ERI1: variants seen among roughly 807,000 people sequenced by gnomAD.
ERI1 encodes 3'-5' exoribonuclease 1.
In ERI1, 39 loss-of-function variants were observed where a neutral mutation model predicts 39.7. The ratio of observed to expected loss-of-function variants is 0.98; its 90% CI spans 0.76 to 1.28. The LOEUF is 1.28. Ranked by LOEUF, ERI1 falls within the 50% of genes most tolerant of loss-of-function variation. ERI1 has a pLI of 0.00. For missense variants in ERI1, 581 were observed against 416.9 expected, an observed-to-expected ratio of 1.39 and a Z score of -3.43; for synonymous variants, 204 against 149.6, an observed-to-expected ratio of 1.36 and a Z score of -2.65.
At position 9,031,068 on chromosome 8, in the gene ERI1, C is replaced by T. The variant is rs1294145110; in HGVS notation, c.*1034C>T. ...TGCATTTCGACTTGATAAGGTAAAA[C>T]TCTTATCTAGAGGCTAAACCCATGT... On this transcript the variant is annotated 3_prime_UTR_variant, in exon 7 of 7. Coordinates refer to ENST00000250263, the MANE Select transcript of ERI1 (RefSeq NM_153332.4). 3.3e-5 allele frequency: 5 copies of T among 152,096 alleles called. No individual in the cohort carries two copies. Among genetic ancestry groups the T allele is most frequent in the African/African-American group, 1.2e-4 (5 of 41,410 alleles). The allele number at this position is 152,096 out of a possible 1,614,324, so 9.4% of individuals were successfully genotyped here. A position where few individuals can be genotyped will look rare whatever the true frequency, so the allele number is the denominator to read the frequency against.
At chr8:9,043,374 G>T (rs1798083586) in intron 3 of ERI1, among the ~76,000 whole-genome samples, 1 of 152,164 alleles carries the variant, frequency 6.6e-6, no homozygotes, top group African/African-American at 2.4e-5. Flanking sequence ...TCAGAGCTGT[G>T]CCTGGACCCC....
At chr8:9,008,553 A>G (rs1008455396) in intron 2 of ERI1, among the ~76,000 whole-genome samples, 2 of 152,222 alleles carry the variant, frequency 1.3e-5, no homozygotes, top group Non-Finnish European at 2.9e-5. Context: ...AATTAAAAAC[A>G]TTCACTTAAC....
chr8:9,071,125 C>T (rs1251319154), intron 3 of ERI1, among the ~76,000 whole-genome samples: 4 of 152,160 alleles, frequency 2.6e-5, no homozygotes, highest in Admixed American at 1.3e-4. Context: ...TTATTGAACT[C>T]GCAAGGGAAA....
At chr8:9,044,845 C>T (rs1042627038) in intron 3 of ERI1, among the ~76,000 whole-genome samples, 2 of 152,056 alleles carry the variant, frequency 1.3e-5, no homozygotes, top group Admixed American at 1.3e-4. Flanking sequence ...CCCTGACCTG[C>T]CACACCTGCA....
rs908681329 is a variant in ERI1 at position 9,069,635 on chromosome 8, G to A, written n.300-46713G>A. Among the ~76,000 whole-genome samples the A allele has an allele frequency of 9.2e-5, 14 of 152,272 alleles. No individual in the cohort carries two copies. The East Asian group carries it at 2.5e-3, about 27-fold the overall frequency. On this transcript the variant is annotated intron_variant and non_coding_transcript_variant, in intron 3 of 3. Coordinates refer to the ERI1 transcript ENST00000518663. ...GCACTTGAAAATTACTCTAATGCTTGCCACCTAAGTGACAAGATCATTCGT... is the reference window on the plus strand; with the variant it reads ...GCACTTGAAAATTACTCTAATGCTTACCACCTAAGTGACAAGATCATTCGT...
At chr8:9,016,537 G>A in intron 4 of ERI1, 132 bp downstream of exon 4, 3 of 405,736 alleles carry the variant, frequency 7.4e-6, no homozygotes, top group South Asian at 1.6e-4. Context: ...GATCTTTCAT[G>A]TTGTAATAAT....
At chr8:9,058,722 T>C (rs1798590619) in intron 3 of ERI1, among the ~76,000 whole-genome samples, 1 of 152,208 alleles carries the variant, frequency 6.6e-6, no homozygotes, top group South Asian at 2.1e-4. Flanking sequence ...ATGATGTCTT[T>C]GCTGTTGTTG....
At position 9,078,473 on chromosome 8, in the gene ERI1, T is replaced by C. The variant is rs191721988; in HGVS notation, n.300-37875T>C. On this transcript the variant is annotated intron_variant and non_coding_transcript_variant, in intron 3 of 3. Transcript: ENST00000518663. ...ACCATAGAGCTAATACTTGGTAAGG[T>C]TGGAATTCAAACTCAAGTTTTTTAA... 1.6e-3 allele frequency among the ~76,000 whole-genome samples: 238 copies of C among 152,220 alleles called. 1 individual carries two copies. The highest frequency in any genetic ancestry group is 3.1e-3 in the Admixed American group (47 of 15,284).
chr8:9,014,827 CTT>C (rs1228784105), intron 3 of ERI1, among the ~76,000 whole-genome samples: 1 of 151,842 alleles, frequency 6.6e-6, no homozygotes, highest in African/African-American at 2.4e-5. Context: ...TTCAATTATT[CTT>C]TTGTTTTGTT....
At chr8:9,046,762 A>G (rs1043729458) in intron 3 of ERI1, among the ~76,000 whole-genome samples, 1 of 152,216 alleles carries the variant, frequency 6.6e-6, no homozygotes, top group African/African-American at 2.4e-5. Flanking sequence ...GAAATTCAAG[A>G]TGCTGTCTGG....
chr8:9,041,124 G>C (rs546848696), intron 3 of ERI1, among the ~76,000 whole-genome samples: 4 of 152,322 alleles, frequency 2.6e-5, no homozygotes, highest in East Asian at 1.9e-4. Flanking sequence ...TACAGTGGGG[G>C]AACAATGAGC....
chr8:9,031,863 T>A lies in ERI1; in HGVS notation c.*1829T>A, dbSNP rs1797613588. The A allele has an allele frequency of 6.6e-6, 1 of 152,222 alleles. No individual in the cohort carries two copies. The highest frequency in any genetic ancestry group is 1.9e-4 in the East Asian group (1 of 5,190). 9.4% of individuals were successfully genotyped at this position (152,222 alleles called of 1,614,324 possible). ...ACCTCCGCCTCCTGGGCTCAGGTGA[T>A]CCTCTTGCCTCAGCCTCCTGAGTAG... On this transcript the variant is annotated 3_prime_UTR_variant, in exon 7 of 7. Coordinates refer to ENST00000250263, the MANE Select transcript of ERI1 (RefSeq NM_153332.4).
chr8:9,010,077 C>T (rs60758390), intron 2 of ERI1, among the ~76,000 whole-genome samples: 4 of 152,170 alleles, frequency 2.6e-5, no homozygotes, highest in Admixed American at 1.3e-4. Context: ...ATTTGCCATG[C>T]TCAACGAAGC....
intron 6 of ERI1, among the ~76,000 whole-genome samples, chr8:9,027,714 A>G (rs1488854586): frequency 1.3e-5 from 2 of 152,150 alleles, no homozygotes; most frequent in East Asian, 1.9e-4. Flanking sequence ...AGTTTTCCCA[A>G]CACCGTTTGT....
chr8:9,084,943 C>T (rs185290802), intron 3 of ERI1, among the ~76,000 whole-genome samples: 1 of 152,250 alleles, frequency 6.6e-6, no homozygotes, highest in Admixed American at 6.5e-5. Flanking sequence ...ATGGGACCAC[C>T]TTATAGCAGT....
At chr8:9,045,717 C>G (rs1241757008) in intron 3 of ERI1, among the ~76,000 whole-genome samples, 1 of 149,362 alleles carries the variant, frequency 6.7e-6, no homozygotes, top group Non-Finnish European at 1.5e-5. Context: ...CACTCTGTCA[C>G]CCAGGCTAGA....
intron 3 of ERI1, among the ~76,000 whole-genome samples, chr8:9,052,695 A>T (rs1046502842): frequency 6.6e-6 from 1 of 152,202 alleles, no homozygotes; most frequent in Non-Finnish European, 1.5e-5. Flanking sequence ...ACATTTCAGA[A>T]CTATGGTATA....
chr8:9,016,535 A>G (rs1251446380), intron 4 of ERI1, 130 bp downstream of exon 4: 6 of 427,134 alleles, frequency 1.4e-5, no homozygotes, highest in African/African-American at 1.0e-4. Context: ...AAGATCTTTC[A>G]TGTTGTAATA....
Position 9,071,114 on chromosome 8 carries a change from A to G in ERI1, n.300-45234A>G, listed in dbSNP as rs559438737. On this transcript the variant is annotated intron_variant and non_coding_transcript_variant, in intron 3 of 3. Coordinates refer to the ERI1 transcript ENST00000518663. ...GTTTGGAAAGAGAACTGTTGCTAAGATTATTGAACTCGCAAGGGAAAGTTC... is the reference window on the plus strand; with the variant it reads ...GTTTGGAAAGAGAACTGTTGCTAAGGTTATTGAACTCGCAAGGGAAAGTTC... Among the ~76,000 whole-genome samples the G allele has an allele frequency of 1.4e-4, 21 of 152,314 alleles. No individual in the cohort carries two copies. The South Asian group carries it at 3.5e-3, about 26-fold the overall frequency.
Sources: gnomAD v4.1 joint callset for allele counts (sites outside exome capture counted in the v4.1 genomes callset) on GRCh38, gnomAD v4.1.1 for gene constraint, MANE v1.5 for transcripts, NCBI Gene and HGNC (gene_info 2026-07-23, HGNC 2026-07-21) for gene names.